Variants in ANKRD28 observed in about 807,000 individuals in gnomAD.
ANKRD28 encodes the protein ankyrin repeat domain 28.
Under a neutral mutation model 126.5 loss-of-function variants are expected in ANKRD28, and 44 were observed. The ratio of observed to expected loss-of-function variants is 0.35; its 90% CI spans 0.27 to 0.45. The LOEUF (loss-of-function observed/expected upper bound fraction) is 0.45. Among genes scored for constraint, ANKRD28 ranks in the 20% least tolerant of loss-of-function variants. ANKRD28 has a pLI of 1.00. For missense variants in ANKRD28, 1,110 were observed against 1,316.6 expected (o/e 0.84, Z 2.43); for synonymous variants, 442 against 468.5 (o/e 0.94, Z 0.73).
chr3:15,825,084 G>A (rs937171283), intron 1 of ANKRD28, among the ~76,000 whole-genome samples: 5 of 152,170 alleles, frequency 3.3e-5, no homozygotes, highest in Non-Finnish European at 4.4e-5. Flanking sequence ...TAAAATTTGC[G>A]TTACCAGTAC....
chr3:15,729,579 T>C (rs969041186), intron 6 of ANKRD28, among the ~76,000 whole-genome samples: 13 of 152,146 alleles, frequency 8.5e-5, no homozygotes, highest in Non-Finnish European at 1.9e-4. Flanking sequence ...AAAACAAGCA[T>C]CCAAAATATA....
At chr3:15,842,490 A>G (rs917569552) in intron 1 of ANKRD28, among the ~76,000 whole-genome samples, 3 of 152,184 alleles carry the variant, frequency 2.0e-5, no homozygotes, top group African/African-American at 7.2e-5. Flanking sequence ...AAAAAAATAG[A>G]AAGAATGAAT....
chr3:15,788,481 T>C (rs1257020811), intron 2 of ANKRD28, among the ~76,000 whole-genome samples: 1 of 152,186 alleles, frequency 6.6e-6, no homozygotes, highest in Non-Finnish European at 1.5e-5. Context: ...TTAGTAGAAA[T>C]GTTAACCTGT....
chr3:15,789,533 T>C (rs2059931980), intron 2 of ANKRD28, among the ~76,000 whole-genome samples: 1 of 152,072 alleles, frequency 6.6e-6, no homozygotes, highest in Admixed American at 6.6e-5. Flanking sequence ...ACAGCAGTCA[T>C]CTCTTTATTA....
chr3:15,795,348 G>A lies in ANKRD28; in HGVS notation c.118-42C>T, dbSNP rs367736221. 3.0e-6 allele frequency: 4 copies of A among 1,312,546 alleles called. No individual in the cohort carries two copies. In the African/African-American group the frequency reaches 5.8e-5, roughly 19 times the overall value. The allele number at this position is 1,312,546 out of a possible 1,614,324, so 81.3% of individuals were successfully genotyped here. On this transcript the variant is annotated intron_variant, in intron 1 of 27. Transcript: ENST00000683139. ...TAATAAAAACATTAGAATCATCCAT[G>A]TGGGGTGACTAAGGATATTTTACAT... is the stretch of plus-strand genomic sequence containing the variant.
At chr3:15,803,491 C>A (rs1239062973) in intron 1 of ANKRD28, among the ~76,000 whole-genome samples, 1 of 151,878 alleles carries the variant, frequency 6.6e-6, no homozygotes, top group African/African-American at 2.4e-5. Flanking sequence ...GTGGCGCGTG[C>A]CTGTAATCCC....
At chr3:15,820,798 G>A (rs2060927265) in intron 1 of ANKRD28, among the ~76,000 whole-genome samples, 1 of 152,022 alleles carries the variant, frequency 6.6e-6, no homozygotes, top group South Asian at 2.1e-4. Flanking sequence ...CACAAAAAAA[G>A]AAAATAATGC....
At chr3:15,731,512 C>T (rs752483202) in intron 6 of ANKRD28, among the ~76,000 whole-genome samples, 6 of 152,122 alleles carry the variant, frequency 3.9e-5, no homozygotes, top group African/African-American at 1.2e-4. Context: ...AGATGCAATA[C>T]GGAACTTGCT....
chr3:15,828,102 A>G (rs568439734), intron 1 of ANKRD28, among the ~76,000 whole-genome samples: 1 of 152,330 alleles, frequency 6.6e-6, no homozygotes, highest in South Asian at 2.1e-4. Flanking sequence ...TTTAGAGTTA[A>G]TGTATAAAAT....
At chr3:15,766,595 G>A (rs934436765) in intron 2 of ANKRD28, among the ~76,000 whole-genome samples, 1 of 151,996 alleles carries the variant, frequency 6.6e-6, no homozygotes, top group African/African-American at 2.4e-5. Context: ...ACTTGAGCCT[G>A]CAAGTGAATG....
At position 15,830,193 on chromosome 3, in the gene ANKRD28, T is replaced by C. The variant is rs1002397889; in HGVS notation, c.27+29184A>G. 1.3e-5 allele frequency among the ~76,000 whole-genome samples: 2 copies of C among 152,226 alleles called. No homozygotes were observed. Among genetic ancestry groups the C allele is most frequent in the Non-Finnish European group, 2.9e-5 (2 of 68,036 alleles). On this transcript the variant is annotated intron_variant, in intron 1 of 27. Coordinates refer to the ANKRD28 transcript ENST00000399451. The surrounding 1 kb of genome is among the most constrained non-coding windows in gnomAD (Gnocchi z 4.5). ...GTAAGTACTATTACTTTTGTACCAT[T>C]AATGCGAATGTCGAAGTAAAAAACG...
At chr3:15,834,049 C>T (rs561448572) in intron 1 of ANKRD28, among the ~76,000 whole-genome samples, 50 of 152,076 alleles carry the variant, frequency 3.3e-4, no homozygotes, top group African/African-American at 1.1e-3. Flanking sequence ...TTACTCTGTT[C>T]ACTGTTTCTT....
chr3:15,702,624 ACC>A (rs1002973266), intron 14 of ANKRD28, among the ~76,000 whole-genome samples: 3 of 152,160 alleles, frequency 2.0e-5, no homozygotes, highest in African/African-American at 7.2e-5. Flanking sequence ...TCCTACTCTT[ACC>A]CTACCACTCA....
intron 1 of ANKRD28, among the ~76,000 whole-genome samples, chr3:15,831,981 G>C (rs1283793901): frequency 6.6e-6 from 1 of 152,162 alleles, no homozygotes; most frequent in Admixed American, 6.5e-5. Flanking sequence ...AAATATAGGT[G>C]CCAGGGTCCT....
chr3:15,711,404 G>C, intron 11 of ANKRD28, 130 bp from the exon 12 acceptor site: 1 of 676,584 alleles, frequency 1.5e-6, no homozygotes, highest in Non-Finnish European at 2.5e-6. Flanking sequence ...AAGTGCTAGA[G>C]TGCCTGTTTA....
At chr3:15,736,947 T>C in intron 5 of ANKRD28, 86 bp downstream of exon 5, 2 of 1,378,054 alleles carry the variant, frequency 1.5e-6, no homozygotes, top group South Asian at 1.2e-5. Context: ...TCTGTATGCC[T>C]TTACTATGCA....
chr3:15,729,734 A>G (rs1438401901), intron 6 of ANKRD28, among the ~76,000 whole-genome samples: 16 of 152,236 alleles, frequency 1.1e-4, no homozygotes, highest in Admixed American at 8.5e-4. Flanking sequence ...CAAGACGCAT[A>G]AAGAACCAGG....
At chr3:15,756,581 G>A in intron 3 of ANKRD28, 1 of 845,236 alleles carries the variant, frequency 1.2e-6, no homozygotes, top group Non-Finnish European at 1.4e-6. Flanking sequence ...ACTGGAGCAG[G>A]AGAGATACGT....
At chr3:15,776,769 T>A (rs2125652187) in intron 2 of ANKRD28, among the ~76,000 whole-genome samples, 1 of 152,270 alleles carries the variant, frequency 6.6e-6, no homozygotes, top group African/African-American at 2.4e-5. Context: ...TTCCTAATTT[T>A]AAAAAAGTTA....
Sources: gnomAD v4.1 joint callset for allele counts (sites outside exome capture counted in the v4.1 genomes callset) on GRCh38, gnomAD v4.1.1 for gene constraint, Gnocchi (gnomAD v3.1) non-coding constraint, MANE v1.5 for transcripts, NCBI Gene and HGNC (gene_info 2026-07-23, HGNC 2026-07-21) for gene names.